SLIT3: variants seen among roughly 807,000 people sequenced by gnomAD.
SLIT3 encodes the protein slit guidance ligand 3.
A neutral mutation model predicts 184.0 loss-of-function variants in SLIT3; 68 were observed. That is an observed-to-expected ratio of 0.37 (90% confidence interval 0.30 to 0.45). The LOEUF (loss-of-function observed/expected upper bound fraction) is 0.45. SLIT3 is among the 20% of genes least tolerant of loss of function. The pLI is 1.00. For synonymous variants in SLIT3, 831 were observed against 828.6 expected, an observed-to-expected ratio of 1.00 and a Z score of -0.05; for missense variants, 1,707 against 2,026.0, an observed-to-expected ratio of 0.84 and a Z score of 3.02.
chr5:168,749,763 C>T (rs1216062972), intron 18 of SLIT3, 128 bp from the exon 19 acceptor site: 10 of 909,794 alleles, frequency 1.1e-5, no homozygotes, highest in East Asian at 2.5e-5. Flanking sequence ...TAGGCTCTTC[C>T]CCAGATGCAG....
chr5:168,972,076 C>T (rs1028831927), intron 4 of SLIT3, among the ~76,000 whole-genome samples: 10 of 152,180 alleles, frequency 6.6e-5, no homozygotes, highest in African/African-American at 9.6e-5. Context: ...GAAGGTCCCT[C>T]TGGGGAGGTG....
intron 6 of SLIT3, among the ~76,000 whole-genome samples, chr5:168,825,552 C>A (rs921572991): frequency 2.6e-5 from 4 of 152,154 alleles, no homozygotes; most frequent in Admixed American, 2.6e-4. Flanking sequence ...ATTTACATTG[C>A]CTGCTCCTGC....
intron 5 of SLIT3, among the ~76,000 whole-genome samples, chr5:168,853,653 A>G (rs964441509): frequency 2.6e-5 from 4 of 152,242 alleles, no homozygotes; most frequent in African/African-American, 9.6e-5. Context: ...ACAGAAGAAG[A>G]AAGTGAGGCA....
chr5:169,089,739 C>T (rs1204195986), intron 4 of SLIT3, among the ~76,000 whole-genome samples: 1 of 152,238 alleles, frequency 6.6e-6, no homozygotes, highest in Non-Finnish European at 1.5e-5. Flanking sequence ...CACTGTACTT[C>T]TCTACAACTA....
chr5:169,020,300 C>G (rs1256105089), intron 4 of SLIT3, among the ~76,000 whole-genome samples: 2 of 152,122 alleles, frequency 1.3e-5, no homozygotes, highest in Admixed American at 1.3e-4. Context: ...TGCAGTTGGT[C>G]CTGATCATGT....
chr5:168,822,620 C>T (rs1244734901), intron 7 of SLIT3, among the ~76,000 whole-genome samples: 1 of 152,124 alleles, frequency 6.6e-6, no homozygotes, highest in Admixed American at 6.5e-5. Context: ...GAACTGCTCT[C>T]GGTATTGGTC....
intron 32 of SLIT3, among the ~76,000 whole-genome samples, chr5:168,680,585 G>A (rs1761556193): frequency 6.6e-6 from 1 of 152,220 alleles, no homozygotes; most frequent in Non-Finnish European, 1.5e-5. Context: ...AGGCCAAGGT[G>A]GCCTTCCTGG....
At position 168,671,485 on chromosome 5, in the gene SLIT3, T is replaced by C; in HGVS notation, c.3842-2A>G. 1 of 1,608,510 alleles carries C rather than the reference T, an allele frequency of 6.2e-7. No individual in the cohort carries two copies. Among genetic ancestry groups the C allele is most frequent in the Non-Finnish European group, 8.5e-7 (1 of 1,177,620 alleles). Reference sequence around the variant, plus strand: ...AGAGGCCGGTGGAGGTGGGGATGCCTGTGGGAGGGGAGCCAGGACAGTGGC... The same window carrying C: ...AGAGGCCGGTGGAGGTGGGGATGCCCGTGGGAGGGGAGCCAGGACAGTGGC... On this transcript the variant is annotated splice_acceptor_variant, in intron 33 of 35. Coordinates refer to ENST00000519560, the MANE Select transcript of SLIT3 (RefSeq NM_003062.4). LOFTEE classifies it high-confidence loss of function.
intron 4 of SLIT3, among the ~76,000 whole-genome samples, chr5:168,985,325 C>T (rs1356631605): frequency 6.6e-6 from 1 of 152,152 alleles, no homozygotes; most frequent in Non-Finnish European, 1.5e-5. Flanking sequence ...GCCCATTTTT[C>T]TGGACTTCCT....
At chr5:168,865,797 C>T (rs536979157) in intron 5 of SLIT3, among the ~76,000 whole-genome samples, 1 of 152,204 alleles carries the variant, frequency 6.6e-6, no homozygotes, top group East Asian at 1.9e-4. Flanking sequence ...AGGCTTTTTT[C>T]CCCATGCAAA....
intron 5 of SLIT3, among the ~76,000 whole-genome samples, chr5:168,855,982 A>G (rs1035378260): frequency 1.3e-5 from 2 of 152,036 alleles, no homozygotes; most frequent in African/African-American, 4.8e-5. Flanking sequence ...GGTAGCGGGC[A>G]CCTGTAGTCC....
At position 168,722,930 on chromosome 5, in the gene SLIT3, C is replaced by T. The variant is rs1456863439; in HGVS notation, c.2411+3G>A. The stretch of plus-strand genomic sequence containing the variant: ...GGTAAACACAGCATCTCAGTGTACT[C>T]ACAGAGTGGAGAGGTGAGACATGTT... On this transcript the variant is annotated splice_donor_region_variant and intron_variant, in intron 22 of 35. Coordinates refer to ENST00000519560, the MANE Select transcript of SLIT3 (RefSeq NM_003062.4). The T allele has an allele frequency of 3.1e-6, 5 of 1,609,670 alleles. No homozygotes were observed. The highest frequency in any genetic ancestry group is 2.2e-5 in the East Asian group (1 of 44,856).
At chr5:168,714,589 A>AC (rs1762660882) in intron 23 of SLIT3, among the ~76,000 whole-genome samples, 2 of 152,118 alleles carry the variant, frequency 1.3e-5, no homozygotes, top group African/African-American at 4.8e-5. Context: ...ATCACAAACA[A>AC]ACAAACAAAA....
At chr5:168,972,857 C>T (rs564223221) in intron 4 of SLIT3, among the ~76,000 whole-genome samples, 79 of 152,300 alleles carry the variant, frequency 5.2e-4, no homozygotes, top group African/African-American at 1.6e-3. Flanking sequence ...TCCTTCTGTT[C>T]GCAGGTCAAA....
At chr5:168,955,890 C>G (rs990975490) in intron 4 of SLIT3, among the ~76,000 whole-genome samples, 1 of 152,166 alleles carries the variant, frequency 6.6e-6, no homozygotes, top group East Asian at 1.9e-4. Context: ...CCATTAGGAG[C>G]TACGACTTCA....
chr5:168,940,084 C>T (rs1204686653), intron 4 of SLIT3, among the ~76,000 whole-genome samples: 2 of 152,156 alleles, frequency 1.3e-5, no homozygotes, highest in African/African-American at 2.4e-5. Flanking sequence ...ATAAATAAAA[C>T]TGTCAGGCAA....
At position 168,806,636 on chromosome 5, in the gene SLIT3, C is replaced by A. The variant is rs368710106; in HGVS notation, c.794-49G>T. The A allele has an allele frequency of 2.5e-6, 4 of 1,607,526 alleles. No individual in the cohort carries two copies. The African/African-American group carries it at 5.3e-5, about 21-fold the overall frequency. ...CAACTTATGTCAGTGTCAGGAGCTG[C>A]CTGGGCTTCTGTGTCCTTAACCAGC... On this transcript the variant is annotated intron_variant, in intron 8 of 35. Coordinates refer to ENST00000519560, the MANE Select transcript of SLIT3 (RefSeq NM_003062.4).
intron 6 of SLIT3, 29 bp from the exon 7 acceptor site, chr5:168,823,360 G>C (rs749806145): frequency 1.3e-6 from 2 of 1,561,732 alleles, no homozygotes; most frequent in South Asian, 1.1e-5. Context: ...GAGATGGTCA[G>C]CCAGGCAGCA....
intron 32 of SLIT3, among the ~76,000 whole-genome samples, chr5:168,681,975 C>A (rs2113214520): frequency 6.6e-6 from 1 of 152,310 alleles, no homozygotes; most frequent in South Asian, 2.1e-4. Context: ...AACTGAGGCA[C>A]AAAGAGGCTG....
Sources: allele counts gnomAD v4.1 joint callset (sites outside exome capture counted in the v4.1 genomes callset), GRCh38; gene constraint gnomAD v4.1.1; transcripts MANE v1.5; gene names NCBI Gene and HGNC (gene_info 2026-07-23, HGNC 2026-07-21).